ITGAM: variants seen among roughly 807,000 people sequenced by gnomAD.
ITGAM encodes integrin alpha-M.
A neutral mutation model predicts 137.5 loss-of-function variants in ITGAM; 79 were observed. The ratio of observed to expected loss-of-function variants is 0.57; its 90% CI spans 0.48 to 0.69. ITGAM has a LOEUF of 0.69. ITGAM is among the 30% of genes least tolerant of loss of function. The probability of loss-of-function intolerance (pLI) is 0.00; values close to 1 mark genes in which losing one functional copy is unlikely to be tolerated. For synonymous variants in ITGAM, 583 were observed against 592.3 expected (o/e 0.98, Z 0.23); for missense variants, 1,343 against 1,483.5 (o/e 0.91, Z 1.56).
chr16:31,331,295 C>T lies in ITGAM; in HGVS notation c.3387+20C>T, dbSNP rs61761288. ...TACAAGGTGCTCCCCGCTGCTCCCCCACCCCCTCCCTTCATCCTCTCGGGC... is the reference window on the plus strand; with the variant it reads ...TACAAGGTGCTCCCCGCTGCTCCCCTACCCCCTCCCTTCATCCTCTCGGGC... On this transcript the variant is annotated intron_variant, in intron 29 of 29. Transcript: ENST00000544665. The T allele has an allele frequency of 3.0e-6, 4 of 1,344,516 alleles. No homozygotes were observed. Among genetic ancestry groups the T allele is most frequent in the Non-Finnish European group, 4.3e-6 (4 of 937,418 alleles). The allele number at this position is 1,344,516 out of a possible 1,614,324, so 83.3% of individuals were successfully genotyped here.
At position 31,275,611 on chromosome 16, in the gene ITGAM, G is replaced by T. The variant is rs367773890; in HGVS notation, c.921G>T (p.Pro307=). 6 of 1,613,900 alleles carry T rather than the reference G, an allele frequency of 3.7e-6. No homozygotes were observed. The highest frequency in any genetic ancestry group is 2.7e-5 in the African/African-American group (2 of 75,032). Reference sequence around the variant, plus strand: ...AGCTTAATACCATCGCATCCAAGCCGCCTCGTGATCACGTGTTCCAGGTGA... The same window carrying T: ...AGCTTAATACCATCGCATCCAAGCCTCCTCGTGATCACGTGTTCCAGGTGA... ...RQELNTIASK[P]PRDHVFQVNN... Residue 307 remains proline (P), a synonymous_variant, in exon 9 of 30, where the codon CCG becomes CCT. Coordinates refer to ENST00000544665, the MANE Select transcript of ITGAM (RefSeq NM_000632.4).
chr16:31,329,464 A>G (rs1215420281), intron 24 of ITGAM, among the ~76,000 whole-genome samples, 161 bp downstream of exon 24: 1 of 152,162 alleles, frequency 6.6e-6, no homozygotes, highest in Non-Finnish European at 1.5e-5. Context: ...ACACGCACGT[A>G]TGTATGTGAC....
rs985914077 is a variant in ITGAM at position 31,297,595 on chromosome 16, C to T, written c.1438C>T (p.Pro480Ser). 4 of 1,612,846 alleles carry T rather than the reference C, an allele frequency of 2.5e-6. No individual in the cohort carries two copies. Among genetic ancestry groups the T allele is most frequent in the Non-Finnish European group, 3.4e-6 (4 of 1,179,908 alleles). The change falls in exon 13 of 30, where the codon CCC (proline) becomes TCC (serine). Residue 480 changes from proline (P) to serine (S), a missense_variant. By Grantham distance (74) the Pro-to-Ser change is moderately conservative (BLOSUM62 -1). Coordinates refer to ENST00000544665, the MANE Select transcript of ITGAM (RefSeq NM_000632.4). ...GSTDLVLIGA[P>S]HYYEQTRGGQ... ...CACCGACCTGGTCCTCATCGGGGCC[C>T]CCCATTACTACGAGCAGACCCGAGG...
chr16:31,297,796 T>C lies in ITGAM; in HGVS notation c.1549T>C (p.Trp517Arg), dbSNP rs2080152109. 1 of 1,608,302 alleles carries C rather than the reference T, an allele frequency of 6.2e-7. No homozygotes were observed. Among genetic ancestry groups the C allele is most frequent in the Non-Finnish European group, 8.5e-7 (1 of 1,178,030 alleles). The change falls in exon 14 of 30, where the codon TGG (tryptophan) becomes CGG (arginine). Residue 517 changes from tryptophan to arginine, a missense_variant. Coordinates refer to ENST00000544665, the MANE Select transcript of ITGAM (RefSeq NM_000632.4). ...TCTCTACGGGGAGCAGGGCCAACCC[T>C]GGGGCCGCTTTGGGGCAGCCCTAAC... ...AVLYGEQGQPWGRFGAALTVL... is the reference protein window; with the variant it reads ...AVLYGEQGQPRGRFGAALTVL...
intron 8 of ITGAM, among the ~76,000 whole-genome samples, chr16:31,275,222 A>G (rs1488090824): frequency 3.3e-5 from 5 of 152,286 alleles, no homozygotes; most frequent in Admixed American, 3.3e-4. Flanking sequence ...CGATATCACC[A>G]TGGATACATG....
intron 5 of ITGAM, among the ~76,000 whole-genome samples, chr16:31,267,899 C>T (rs1676660476): frequency 6.6e-6 from 1 of 152,184 alleles, no homozygotes; most frequent in Admixed American, 6.5e-5. Flanking sequence ...CCACCTCAGC[C>T]TCCCACAGTG....
At chr16:31,263,441 T>A (rs1312374205) in intron 2 of ITGAM, among the ~76,000 whole-genome samples, 1 of 152,118 alleles carries the variant, frequency 6.6e-6, no homozygotes, top group African/African-American at 2.4e-5. Flanking sequence ...CCCTCTACAG[T>A]GGTGGCAGCA....
intron 5 of ITGAM, among the ~76,000 whole-genome samples, chr16:31,267,955 G>T (rs181070649): frequency 7.4e-4 from 113 of 152,154 alleles, no homozygotes; most frequent in African/African-American, 2.7e-3. Context: ...AGCATCTCTT[G>T]AATCACTTGT....
intron 12 of ITGAM, among the ~76,000 whole-genome samples, chr16:31,295,588 T>C (rs1010536003): frequency 4.0e-5 from 6 of 151,104 alleles, no homozygotes; most frequent in African/African-American, 1.2e-4. Context: ...TAGTTCTTTT[T>C]TGGTGGAGTT....
At chr16:31,272,427 A>G (rs1258683634) in intron 7 of ITGAM, among the ~76,000 whole-genome samples, 174 of 5,232 alleles carry the variant, frequency 0.033, 7 homozygotes, top group African/African-American at 0.09. Context: ...AATTAACTAT[A>G]TATATATATA....
chr16:31,317,744 C>G (rs2080406998), intron 14 of ITGAM, among the ~76,000 whole-genome samples: 1 of 152,088 alleles, frequency 6.6e-6, no homozygotes, highest in Non-Finnish European at 1.5e-5. Flanking sequence ...GTTGAGCCAT[C>G]CTTGCATGCC....
At chr16:31,327,006 C>A in intron 22 of ITGAM, 71 bp downstream of exon 22, 1 of 1,084,948 alleles carries the variant, frequency 9.2e-7, no homozygotes, top group Non-Finnish European at 1.4e-6. Context: ...CATGGTGGGC[C>A]TTTGCCCTTT....
At chr16:31,285,720 G>C (rs1349598746) in intron 12 of ITGAM, among the ~76,000 whole-genome samples, 2 of 151,998 alleles carry the variant, frequency 1.3e-5, no homozygotes, top group Non-Finnish European at 2.9e-5. Context: ...GCTGAGGTTT[G>C]GGCTGCAGAT....
intron 14 of ITGAM, among the ~76,000 whole-genome samples, chr16:31,313,347 C>T (rs1027666553): frequency 1.1e-4 from 17 of 152,300 alleles, no homozygotes; most frequent in African/African-American, 3.6e-4. Context: ...GCCTCACATG[C>T]ATTAGGTATT....
intron 21 of ITGAM, 123 bp downstream of exon 21, chr16:31,325,745 A>C (rs895362511): frequency 2.8e-5 from 33 of 1,185,506 alleles, no homozygotes; most frequent in Non-Finnish European, 3.7e-5. Flanking sequence ...GATATAATTC[A>C]TATACCATCC....
chr16:31,317,431 T>C (rs932527582), intron 14 of ITGAM, among the ~76,000 whole-genome samples: 12 of 152,122 alleles, frequency 7.9e-5, no homozygotes, highest in Non-Finnish European at 1.8e-4. Context: ...AGTGTGGCCA[T>C]CATTAATAGG....
intron 12 of ITGAM, among the ~76,000 whole-genome samples, chr16:31,281,524 T>C (rs994386503): frequency 6.6e-6 from 1 of 152,214 alleles, no homozygotes; most frequent in African/African-American, 2.4e-5. Flanking sequence ...TTTATAGTAT[T>C]CTCTGATGGT....
Position 31,297,537 on chromosome 16 carries a change from C to T in ITGAM, c.1380C>T (p.Ser460=). The T allele has an allele frequency of 6.2e-7, 1 of 1,612,054 alleles. No individual in the cohort carries two copies. The highest frequency in any genetic ancestry group is 8.5e-7 in the Non-Finnish European group (1 of 1,179,860). Residue 460 remains serine, a synonymous_variant, in exon 13 of 30, where the codon TCC becomes TCT. Transcript: ENST00000544665. ...AGATCGGCGCCTACTTCGGGGCCTC[C>T]CTCTGCTCCGTGGACGTGGACAGCA... The part of the protein sequence containing the change: ...GTQIGAYFGA[S]LCSVDVDSNG...
intron 24 of ITGAM, among the ~76,000 whole-genome samples, 151 bp downstream of exon 24, chr16:31,329,454 A>C (rs767957312): frequency 5.3e-5 from 8 of 152,142 alleles, no homozygotes; most frequent in Non-Finnish European, 1.0e-4. Flanking sequence ...ATGCACACAT[A>C]CACGCACGTA....
Sources: gnomAD v4.1 joint callset for allele counts (sites outside exome capture counted in the v4.1 genomes callset) on GRCh38, gnomAD v4.1.1 for gene constraint, MANE v1.5 for transcripts, NCBI Gene and HGNC (gene_info 2026-07-23, HGNC 2026-07-21) for gene names.